Variants in GRIN2A observed in about 807,000 individuals in gnomAD.
The protein encoded by GRIN2A is glutamate receptor ionotropic, NMDA 2A.
In GRIN2A, 22 loss-of-function variants were observed where a neutral mutation model predicts 113.4. The observed-to-expected ratio is 0.19, with a 90% CI of 0.14 to 0.28. The LOEUF (loss-of-function observed/expected upper bound fraction) is 0.28, where lower values mean the gene tolerates loss of function less well. GRIN2A is among the 10% of genes least tolerant of loss of function. The probability of loss-of-function intolerance (pLI) is 1.00; values close to 1 mark genes in which losing one functional copy is unlikely to be tolerated. For synonymous variants in GRIN2A, 827 were observed against 738.4 expected (o/e 1.12, Z -1.94); for missense variants, 1,502 against 1,887.0 (o/e 0.80, Z 3.78).
chr16:10,067,029 T>C (rs987715612), intron 2 of GRIN2A, among the ~76,000 whole-genome samples: 2 of 152,192 alleles, frequency 1.3e-5, no homozygotes, highest in African/African-American at 4.8e-5. Context: ...AATAAATGAA[T>C]GAGCAAAAAA....
chr16:10,125,556 TCCTACAG>T (rs2048915330), intron 2 of GRIN2A, among the ~76,000 whole-genome samples: 1 of 149,606 alleles, frequency 6.7e-6, no homozygotes, highest in Non-Finnish European at 1.5e-5. Flanking sequence ...GCAGAGATTC[TCCTACAG>T]CAAGTCTGAA....
At chr16:10,128,511 G>T (rs1207334390) in intron 2 of GRIN2A, among the ~76,000 whole-genome samples, 1 of 152,184 alleles carries the variant, frequency 6.6e-6, no homozygotes, top group Non-Finnish European at 1.5e-5. Context: ...CACCACTGTA[G>T]ATGCTCCATT....
intron 3 of GRIN2A, among the ~76,000 whole-genome samples, chr16:9,896,980 G>A (rs989891018): frequency 1.3e-5 from 2 of 152,074 alleles, no homozygotes; most frequent in South Asian, 4.1e-4. Context: ...AAGCTTTAGT[G>A]GTCAGATAAA....
intron 2 of GRIN2A, among the ~76,000 whole-genome samples, chr16:9,982,977 C>T (rs1408159224): frequency 1.3e-5 from 2 of 152,114 alleles, no homozygotes; most frequent in Non-Finnish European, 2.9e-5. Flanking sequence ...TAAGTTCATA[C>T]TGATACTTTT....
intron 2 of GRIN2A, among the ~76,000 whole-genome samples, chr16:10,080,818 C>G (rs140613370): frequency 0.013 from 2,052 of 152,222 alleles, 25 homozygotes; most frequent in South Asian, 0.062. Context: ...TATGACTGTC[C>G]CCATTATACT....
At chr16:9,895,839 G>C (rs898413224) in intron 3 of GRIN2A, among the ~76,000 whole-genome samples, 1 of 152,122 alleles carries the variant, frequency 6.6e-6, no homozygotes, top group African/African-American at 2.4e-5. Flanking sequence ...CCAACACTTT[G>C]GGGTGAATGT....
chr16:9,830,318 A>G (rs1045343789), intron 8 of GRIN2A, among the ~76,000 whole-genome samples: 2 of 152,220 alleles, frequency 1.3e-5, no homozygotes, highest in African/African-American at 4.8e-5. Flanking sequence ...TTTTTCCAGT[A>G]TATCCTCGCA....
intron 2 of GRIN2A, among the ~76,000 whole-genome samples, chr16:10,137,225 A>C (rs903202104): frequency 3.3e-5 from 5 of 152,250 alleles, no homozygotes; most frequent in African/African-American, 1.2e-4. Context: ...GGAAAGCCCC[A>C]ACAGCACATG....
At chr16:9,768,134 C>G (rs894152736) in intron 12 of GRIN2A, among the ~76,000 whole-genome samples, 5 of 152,150 alleles carry the variant, frequency 3.3e-5, no homozygotes, top group Admixed American at 2.0e-4. Context: ...TATCTTGGCT[C>G]ACTGCAAGCT....
At chr16:9,925,319 G>A (rs114977019) in intron 3 of GRIN2A, among the ~76,000 whole-genome samples, 114 of 152,244 alleles carry the variant, frequency 7.5e-4, no homozygotes, top group African/African-American at 2.6e-3. Flanking sequence ...TCTGACTAGC[G>A]GCTAACCCTC....
chr16:10,026,500 A>AG (rs1300625290), intron 2 of GRIN2A, among the ~76,000 whole-genome samples: 6 of 146,460 alleles, frequency 4.1e-5, no homozygotes, highest in Middle Eastern at 3.5e-3. Flanking sequence ...TTAGAGAGAG[A>AG]AAAAAGAAAG....
chr16:10,128,183 C>T (rs1289473868), intron 2 of GRIN2A, among the ~76,000 whole-genome samples: 1 of 152,174 alleles, frequency 6.6e-6, no homozygotes, highest in African/African-American at 2.4e-5. Flanking sequence ...ACGGTTGGAC[C>T]TTTCATGATT....
In GRIN2A at chr16:9,891,081, A is replaced by G. The variant is rs753846392; in HGVS notation, c.1027T>C (p.Trp343Arg). 1 of 1,609,536 alleles carries G rather than the reference A, an allele frequency of 6.2e-7. No homozygotes were observed. Among genetic ancestry groups the G allele is most frequent in the Non-Finnish European group, 8.5e-7 (1 of 1,175,766 alleles). ...GTGAAGGATAAGTCTTTGCCATCCC[A>G]TGTAACATTGACCATAAATCTAGAA... The part of the protein sequence containing the change: ...TLHPFMVNVT[W>R]DGKDLSFTEE... Residue 343 changes from tryptophan to arginine, a missense_variant, in exon 4 of 13, where the codon TGG (tryptophan) becomes CGG (arginine). Trp to Arg is a moderately radical substitution (Grantham distance 101, BLOSUM62 -3). This residue lies in a region of GRIN2A where 334 missense variants were observed against 403.0 expected (regional missense o/e 0.83). Coordinates refer to ENST00000330684, the MANE Select transcript of GRIN2A (RefSeq NM_001134407.3).
At chr16:9,925,347 G>C (rs904900108) in intron 3 of GRIN2A, among the ~76,000 whole-genome samples, 1 of 152,140 alleles carries the variant, frequency 6.6e-6, no homozygotes, top group African/African-American at 2.4e-5. Context: ...GTGAGTCCTG[G>C]GCTCTGTTAT....
At chr16:9,975,723 C>G (rs1409056155) in intron 2 of GRIN2A, among the ~76,000 whole-genome samples, 1 of 152,196 alleles carries the variant, frequency 6.6e-6, no homozygotes, top group Non-Finnish European at 1.5e-5. Context: ...GTTGAAGACT[C>G]TCAGAATGGA....
At chr16:9,767,411 TTTA>T (rs1460575595) in intron 12 of GRIN2A, among the ~76,000 whole-genome samples, 5 of 152,120 alleles carry the variant, frequency 3.3e-5, no homozygotes, top group South Asian at 2.1e-4. Context: ...TTTATTTATT[TTTA>T]TTATTATACT....
chr16:9,793,399 G>GA (rs1203796967), intron 11 of GRIN2A, among the ~76,000 whole-genome samples: 1 of 151,874 alleles, frequency 6.6e-6, no homozygotes, highest in Non-Finnish European at 1.5e-5. Flanking sequence ...TCATTTTTTT[G>GA]AAAATCACAA....
At chr16:9,783,156 T>C (rs944528969) in intron 11 of GRIN2A, among the ~76,000 whole-genome samples, 1 of 152,232 alleles carries the variant, frequency 6.6e-6, no homozygotes, top group Non-Finnish European at 1.5e-5. Flanking sequence ...ATGAGGTTTA[T>C]GTACATGCAA....
intron 2 of GRIN2A, among the ~76,000 whole-genome samples, chr16:9,988,473 C>T (rs1052068418): frequency 1.3e-5 from 2 of 152,218 alleles, no homozygotes; most frequent in South Asian, 4.1e-4. Flanking sequence ...CTCCAGCTCC[C>T]CCAAGTCTAT....
Sources: gnomAD v4.1 joint callset for allele counts (sites outside exome capture counted in the v4.1 genomes callset) on GRCh38, gnomAD v4.1.1 for gene constraint, gnomAD v4.1.1 regional missense constraint, MANE v1.5 for transcripts, NCBI Gene and HGNC (gene_info 2026-07-23, HGNC 2026-07-21) for gene names.